Variants in ANAPC1 observed in about 807,000 individuals in gnomAD.
ANAPC1 encodes anaphase promoting complex subunit 1, also known as anaphase-promoting complex subunit 1.
A neutral mutation model predicts 208.0 loss-of-function variants in ANAPC1; 36 were observed. That is an observed-to-expected ratio of 0.17 (90% confidence interval 0.13 to 0.23). ANAPC1 has a LOEUF of 0.23. Among genes scored for constraint, ANAPC1 ranks in the 10% least tolerant of loss-of-function variants. ANAPC1 has a pLI of 1.00. For synonymous variants in ANAPC1, 378 were observed against 695.2 expected, an observed-to-expected ratio of 0.54 and a Z score of 7.18; for missense variants, 942 against 2,011.6, an observed-to-expected ratio of 0.47 and a Z score of 10.17.
chr2:111,860,189 T>C lies in ANAPC1; in HGVS notation c.1263-1788A>G, dbSNP rs368155158. ...CGGTGTGTGCTTATAGTCCCAGCTATCTGGGAGGCTGAGGTTGGGGAATCA... is the reference window on the plus strand; with the variant it reads ...CGGTGTGTGCTTATAGTCCCAGCTACCTGGGAGGCTGAGGTTGGGGAATCA... On this transcript the variant is annotated intron_variant, in intron 10 of 47. Coordinates refer to ENST00000341068, the MANE Select transcript of ANAPC1 (RefSeq NM_022662.4). Among the ~76,000 whole-genome samples, 336 of 151,474 alleles carry C rather than the reference T, an allele frequency of 2.2e-3. 1 individual carries two copies. Among genetic ancestry groups the C allele is most frequent in the Non-Finnish European group, 3.5e-3 (235 of 67,928 alleles).
Position 111,884,184 on chromosome 2 carries a change from C to T in ANAPC1, c.-267G>A, listed in dbSNP as rs867144285. ...GACGCGTCCATCTTGACTTTCCCGTCTTGCCTCGCGCCGGGGCGGGGCATC... is the reference window on the plus strand; with the variant it reads ...GACGCGTCCATCTTGACTTTCCCGTTTTGCCTCGCGCCGGGGCGGGGCATC... On this transcript the variant is annotated 5_prime_UTR_variant, in exon 1 of 48. Transcript: ENST00000341068. The T allele has an allele frequency of 6.6e-6, 1 of 152,456 alleles. No homozygotes were observed. The highest frequency in any genetic ancestry group is 1.9e-4 in the East Asian group (1 of 5,180). 9.4% of individuals were successfully genotyped at this position (152,456 alleles called of 1,614,324 possible). A position where few individuals can be genotyped will look rare whatever the true frequency, so the allele number is the denominator to read the frequency against.
chr2:111,854,523 G>A (rs2104532453), intron 13 of ANAPC1, among the ~76,000 whole-genome samples: 1 of 152,314 alleles, frequency 6.6e-6, no homozygotes, highest in East Asian at 1.9e-4. Flanking sequence ...GAAAGTCCTA[G>A]ATGGCATCTT....
intron 46 of ANAPC1, 42 bp downstream of exon 46, chr2:111,776,817 T>C (rs1435096193): frequency 9.8e-6 from 3 of 306,940 alleles, no homozygotes; most frequent in Admixed American, 1.3e-4. Context: ...ACCGAATGTA[T>C]CTCAAAAGCA....
At chr2:111,880,962 C>T (rs1683268339) in intron 1 of ANAPC1, 113 bp from the exon 2 acceptor site, 1 of 965,528 alleles carries the variant, frequency 1.0e-6, no homozygotes, top group Admixed American at 2.5e-5. Flanking sequence ...TTATATCAGA[C>T]TGGTAAGTAT....
At chr2:111,845,964 G>A (rs1472106924) in intron 16 of ANAPC1, among the ~76,000 whole-genome samples, 16 of 128,680 alleles carry the variant, frequency 1.2e-4, no homozygotes, top group Admixed American at 4.3e-4. Flanking sequence ...GCGACAGAGC[G>A]AGACTCCGTC....
chr2:111,843,527 T>A lies in ANAPC1; in HGVS notation c.1925A>T (p.Tyr642Phe), dbSNP rs1351919698. The A allele has an allele frequency of 1.9e-6, 3 of 1,611,850 alleles. No individual in the cohort carries two copies. The highest frequency in any genetic ancestry group is 3.3e-5 in the Admixed American group (2 of 59,994). ...EIAVQMLVKWYNVHSAPGGPS... is the reference protein window; with the variant it reads ...EIAVQMLVKWFNVHSAPGGPS... ...TCCTCCTGGAGCACTGTGGACATTG[T>A]ACCACTTGACAAGCATCTGAACTGC... Residue 642 changes from tyrosine to phenylalanine, a missense_variant, in exon 17 of 48, where the codon TAC (tyrosine) becomes TTC (phenylalanine). By Grantham distance (22) the Tyr-to-Phe change is conservative. Coordinates refer to ENST00000341068, the MANE Select transcript of ANAPC1 (RefSeq NM_022662.4).
At chr2:111,773,707 G>A (rs988080389) in intron 46 of ANAPC1, among the ~76,000 whole-genome samples, 5 of 151,150 alleles carry the variant, frequency 3.3e-5, no homozygotes, top group African/African-American at 1.2e-4. Context: ...AGAGGAAAAG[G>A]TTCTAGGGAG....
chr2:111,869,163 T>C (rs898499729), intron 6 of ANAPC1, among the ~76,000 whole-genome samples: 3 of 152,164 alleles, frequency 2.0e-5, no homozygotes, highest in Admixed American at 6.5e-5. Flanking sequence ...CTGTAACGCG[T>C]AAGGAAACTA....
intron 13 of ANAPC1, among the ~76,000 whole-genome samples, chr2:111,851,865 A>C (rs1337359302): frequency 3.9e-5 from 6 of 152,124 alleles, no homozygotes; most frequent in South Asian, 4.2e-4. Context: ...TATTTTGGCT[A>C]TCTGTAGGGT....
At chr2:111,834,433 C>A (rs11691579) in intron 19 of ANAPC1, among the ~76,000 whole-genome samples, 171 bp downstream of exon 19, 86,532 of 149,550 alleles carry the variant, frequency 0.58, 25,865 homozygotes, top group South Asian at 0.68. Flanking sequence ...CAGGCCCTTA[C>A]AAAACCAGTA....
At chr2:111,847,522 C>CT (rs1681157129) in intron 15 of ANAPC1, among the ~76,000 whole-genome samples, 1 of 152,102 alleles carries the variant, frequency 6.6e-6, no homozygotes, top group Non-Finnish European at 1.5e-5. Context: ...TTTGTTTTCA[C>CT]TAAGTTTTTA....
chr2:111,877,898 T>C (rs1014545751), intron 3 of ANAPC1, among the ~76,000 whole-genome samples: 1 of 152,204 alleles, frequency 6.6e-6, no homozygotes, highest in African/African-American at 2.4e-5. Flanking sequence ...TGCCTATATT[T>C]CCTATAAATA....
At chr2:111,782,312 G>A (rs576894744) in intron 43 of ANAPC1, 57 bp downstream of exon 43, 17 of 1,610,268 alleles carry the variant, frequency 1.1e-5, no homozygotes, top group Middle Eastern at 1.7e-4. Context: ...AGCAATGGGC[G>A]AGGAAGCCGG....
chr2:111,824,427 T>C (rs1679717822), intron 24 of ANAPC1, among the ~76,000 whole-genome samples: 1 of 152,106 alleles, frequency 6.6e-6, no homozygotes, highest in Non-Finnish European at 1.5e-5. Context: ...GAAAAAAAAT[T>C]TCTTTGGTAT....
rs10169619 is a variant in ANAPC1, at chr2:111,877,515, G to A, written c.375+1295C>T. ...AGCTTGGCTGGGCATGATGGCTCAC[G>A]CCTGTAATCCCAGCACTTTGGGAGG... On this transcript the variant is annotated intron_variant, in intron 3 of 47. Coordinates refer to ENST00000341068, the MANE Select transcript of ANAPC1 (RefSeq NM_022662.4). 5.7e-3 allele frequency among the ~76,000 whole-genome samples: 873 copies of A among 152,272 alleles called. 8 individuals carry two copies. Among genetic ancestry groups the A allele is most frequent in the African/African-American group, 0.02 (839 of 41,546 alleles).
intron 1 of ANAPC1, among the ~76,000 whole-genome samples, 168 bp downstream of exon 1, chr2:111,883,774 C>T (rs1249278411): frequency 6.6e-6 from 1 of 152,196 alleles, no homozygotes; most frequent in Non-Finnish European, 1.5e-5. Flanking sequence ...AGGCCAGGAG[C>T]GCCCGCAGGC....
Position 111,850,821 on chromosome 2 carries a change from A to T in ANAPC1, c.1605T>A (p.Val535=), listed in dbSNP as rs762078419. Residue 535 remains valine, a synonymous_variant, in exon 14 of 48, where the codon GTT becomes GTA. Transcript: ENST00000341068. ...GTTTACTAAGAGGCTTTGGAGTACT[A>T]ACGCCATCTAGTGGAGTACTGGGCC... ...MPRPSTPLDG[V]STPKPLSKLL... 2.4e-5 allele frequency: 39 copies of T among 1,611,912 alleles called. No individual in the cohort carries two copies. The highest frequency in any genetic ancestry group is 3.3e-5 in the Non-Finnish European group (39 of 1,179,880).
At chr2:111,874,947 AGCTTGGGAGTACAG>A (rs750872487) in intron 3 of ANAPC1, among the ~76,000 whole-genome samples, 80 of 152,334 alleles carry the variant, frequency 5.3e-4, no homozygotes, top group Non-Finnish European at 7.1e-4. Flanking sequence ...TCTCCTGAAC[AGCTTGGGAGTACAG>A]GCATGCACCA....
intron 1 of ANAPC1, among the ~76,000 whole-genome samples, chr2:111,882,064 G>A (rs561738861): frequency 1.8e-4 from 27 of 151,918 alleles, no homozygotes; most frequent in Admixed American, 1.6e-3. Flanking sequence ...GGCACCTGTA[G>A]TCCCAGCTAC....
Sources: gnomAD v4.1 joint callset for allele counts (sites outside exome capture counted in the v4.1 genomes callset) on GRCh38, gnomAD v4.1.1 for gene constraint, MANE v1.5 for transcripts, NCBI Gene and HGNC (gene_info 2026-07-23, HGNC 2026-07-21) for gene names.